Variants in CDYL observed in about 807,000 individuals in gnomAD.
CDYL encodes chromodomain Y like.
CDYL carries 8 observed loss-of-function variants against 47.3 expected under a neutral mutation model. The ratio of observed to expected loss-of-function variants is 0.17; its 90% CI spans 0.10 to 0.31. CDYL has a LOEUF of 0.31. Among genes scored for constraint, CDYL ranks in the 10% least tolerant of loss-of-function variants. The pLI, the probability that CDYL is intolerant of heterozygous loss-of-function variation, is 1.00. For synonymous variants in CDYL, 266 were observed against 265.0 expected (o/e 1.00, Z -0.04); for missense variants, 471 against 701.4 (o/e 0.67, Z 3.71).
intron 5 of CDYL, among the ~76,000 whole-genome samples, chr6:4,945,062 G>A (rs1379497084): frequency 1.3e-5 from 2 of 152,134 alleles, no homozygotes; most frequent in Non-Finnish European, 2.9e-5. Context: ...CTGAGGAACC[G>A]TCTCAGACTG....
At chr6:4,780,612 T>TG (rs1337781700) in intron 1 of CDYL, among the ~76,000 whole-genome samples, 5 of 152,140 alleles carry the variant, frequency 3.3e-5, no homozygotes, top group African/African-American at 1.2e-4. Flanking sequence ...ATCTTGTACT[T>TG]GTCTTAACTA....
chr6:4,835,782 G>T (rs370079173), intron 1 of CDYL, among the ~76,000 whole-genome samples: 1 of 152,190 alleles, frequency 6.6e-6, no homozygotes, highest in East Asian at 1.9e-4. Flanking sequence ...CTGGGCACTG[G>T]CCGGCGTCCC....
At chr6:4,877,821 C>G (rs190789874) in intron 1 of CDYL, among the ~76,000 whole-genome samples, 4 of 152,242 alleles carry the variant, frequency 2.6e-5, no homozygotes, top group African/African-American at 9.6e-5. Context: ...AGTTTGTTGC[C>G]TTTCCTTGTA....
intron 3 of CDYL, among the ~76,000 whole-genome samples, chr6:4,748,680 C>CACACACAA (rs1431150873): frequency 6.6e-6 from 1 of 151,136 alleles, no homozygotes; most frequent in Non-Finnish European, 1.5e-5. Flanking sequence ...CACACACACA[C>CACACACAA]AAACAAATTT....
At chr6:4,830,171 G>A (rs1300253695) in intron 1 of CDYL, among the ~76,000 whole-genome samples, 2 of 152,240 alleles carry the variant, frequency 1.3e-5, no homozygotes, top group Non-Finnish European at 2.9e-5. Flanking sequence ...CACCATCCCT[G>A]CAACTGTGAG....
Position 4,780,423 on chromosome 6 carries a change from C to T in CDYL, c.24+3616C>T, listed in dbSNP as rs1362188503. On this transcript the variant is annotated intron_variant, in intron 1 of 6. Coordinates refer to ENST00000397588, the MANE Select transcript of CDYL (RefSeq NM_004824.4). ...GCCCCCCCCCCCCCGCCCCCGCCCC[C>T]GCCCCGGCTAATGTTTTGTATTTTT... Among the ~76,000 whole-genome samples, 4 of 122,110 alleles carry T rather than the reference C, an allele frequency of 3.3e-5. No homozygotes were observed. The East Asian group carries it at 1.0e-3, about 30-fold the overall frequency. The allele number at this position is 122,110 out of a possible 152,430, so 80.1% of individuals were successfully genotyped here. A position where few individuals can be genotyped will look rare whatever the true frequency, so the allele number is the denominator to read the frequency against.
chr6:4,791,078 G>A (rs1018644005), intron 1 of CDYL, among the ~76,000 whole-genome samples: 1 of 152,184 alleles, frequency 6.6e-6, no homozygotes, highest in Non-Finnish European at 1.5e-5. Context: ...GAAGTGTAAC[G>A]TCTTTGGAGA....
chr6:4,884,563 C>T (rs1229293412), intron 1 of CDYL, among the ~76,000 whole-genome samples: 1 of 152,088 alleles, frequency 6.6e-6, no homozygotes, highest in Non-Finnish European at 1.5e-5. Context: ...CTGTATGTCT[C>T]TGGAAAAGAG....
At chr6:4,744,860 A>C (rs918161213) in intron 3 of CDYL, among the ~76,000 whole-genome samples, 1 of 151,950 alleles carries the variant, frequency 6.6e-6, no homozygotes, top group Non-Finnish European at 1.5e-5. Context: ...TTTTTTCTTC[A>C]AAGAAATGAC....
At chr6:4,742,222 G>T (rs941966704) in intron 3 of CDYL, among the ~76,000 whole-genome samples, 1 of 151,916 alleles carries the variant, frequency 6.6e-6, no homozygotes, top group African/African-American at 2.4e-5. Context: ...TTTTTAATTA[G>T]CCAGGTGTGG....
At chr6:4,940,012 T>G (rs750894430) in intron 4 of CDYL, among the ~76,000 whole-genome samples, 1 of 152,132 alleles carries the variant, frequency 6.6e-6, no homozygotes, top group Non-Finnish European at 1.5e-5. Context: ...CACTCCTCCC[T>G]CCAGCGTTGA....
At chr6:4,711,220 G>T (rs1757147431) in intron 1 of CDYL, among the ~76,000 whole-genome samples, 1 of 152,124 alleles carries the variant, frequency 6.6e-6, no homozygotes, top group South Asian at 2.1e-4. Flanking sequence ...TGGAGACATG[G>T]TTTGCTAATG....
intron 1 of CDYL, among the ~76,000 whole-genome samples, chr6:4,817,867 G>A (rs7739005): frequency 0.018 from 2,809 of 152,222 alleles, 103 homozygotes; most frequent in African/African-American, 0.064. Context: ...TATTAAAAAC[G>A]TTTAGGCATT....
intron 1 of CDYL, among the ~76,000 whole-genome samples, chr6:4,858,003 C>A (rs1021145215): frequency 6.6e-6 from 1 of 150,662 alleles, no homozygotes; most frequent in Non-Finnish European, 1.5e-5. Flanking sequence ...CCCGCCCCCG[C>A]CCCATCTTGT....
chr6:4,952,456 A>T (rs1561728416), intron 6 of CDYL, 47 bp downstream of exon 6: 1 of 1,572,206 alleles, frequency 6.4e-7, no homozygotes, highest in Admixed American at 1.9e-5. Flanking sequence ...AAAAATAGAA[A>T]CTTTTCCCTC....
intron 1 of CDYL, among the ~76,000 whole-genome samples, chr6:4,856,158 A>G (rs980334471): frequency 6.6e-6 from 1 of 152,236 alleles, no homozygotes; most frequent in Non-Finnish European, 1.5e-5. Context: ...AAACAAACAA[A>G]AGTTCCAGCC....
At chr6:4,722,943 C>T (rs1414395584) in intron 2 of CDYL, among the ~76,000 whole-genome samples, 1 of 152,044 alleles carries the variant, frequency 6.6e-6, no homozygotes, top group Non-Finnish European at 1.5e-5. Context: ...AACTGATTAC[C>T]CTAGCATAAG....
At chr6:4,741,807 A>G (rs1426762547) in intron 3 of CDYL, among the ~76,000 whole-genome samples, 1 of 152,150 alleles carries the variant, frequency 6.6e-6, no homozygotes, top group Non-Finnish European at 1.5e-5. Flanking sequence ...GGCAGCTAGT[A>G]GTTGATGCTG....
At position 4,865,744 on chromosome 6, in the gene CDYL, C is replaced by T. The variant is rs181142396; in HGVS notation, c.25-25969C>T. 3.8e-3 allele frequency among the ~76,000 whole-genome samples: 573 copies of T among 152,260 alleles called. 4 individuals are homozygous for T. The highest frequency in any genetic ancestry group is 6.8e-3 in the South Asian group (33 of 4,828). On this transcript the variant is annotated intron_variant, in intron 1 of 6. Transcript: ENST00000397588. ...GTACAGTGATAAAATGTATAGTTCTCCATGAAGATAAAGTGATTTTAAACT... is the reference window on the plus strand; with the variant it reads ...GTACAGTGATAAAATGTATAGTTCTTCATGAAGATAAAGTGATTTTAAACT...
Sources: gnomAD v4.1 joint callset for allele counts (sites outside exome capture counted in the v4.1 genomes callset) on GRCh38, gnomAD v4.1.1 for gene constraint, MANE v1.5 for transcripts, NCBI Gene and HGNC (gene_info 2026-07-23, HGNC 2026-07-21) for gene names.